The following CEP70 variants were observed in gnomAD, a reference collection of about 807,000 sequenced individuals.
CEP70 encodes centrosomal protein of 70 kDa.
CEP70 carries 70 observed loss-of-function variants against 90.9 expected under a neutral mutation model. That is an observed-to-expected ratio of 0.77 (90% CI 0.64 to 0.94). The LOEUF is 0.94. Ranked by LOEUF, CEP70 falls within the 40% of genes least tolerant of loss-of-function variation. The pLI is 0.00. For missense variants in CEP70, 648 were observed against 669.0 expected, an observed-to-expected ratio of 0.97 and a Z score of 0.35; for synonymous variants, 220 against 228.3, an observed-to-expected ratio of 0.96 and a Z score of 0.33.
intron 11 of CEP70, among the ~76,000 whole-genome samples, chr3:138,523,110 C>T (rs1434672126): frequency 6.6e-6 from 1 of 152,102 alleles, no homozygotes. Context: ...ATAAACAGAA[C>T]CAAAGACAAA....
intron 13 of CEP70, among the ~76,000 whole-genome samples, chr3:138,502,907 G>T (rs2034645419): frequency 1.3e-5 from 2 of 152,140 alleles, no homozygotes; most frequent in South Asian, 4.1e-4. Context: ...GTACTGGGTT[G>T]GGGAAAGCTA....
At chr3:138,533,789 T>G (rs1194121116) in intron 7 of CEP70, among the ~76,000 whole-genome samples, 4 of 152,086 alleles carry the variant, frequency 2.6e-5, no homozygotes, top group Non-Finnish European at 5.9e-5. Flanking sequence ...TGTTTTTTTT[T>G]GTTTGTTTGT....
At position 138,570,413 on chromosome 3, in the gene CEP70, AT is replaced by A. The variant is rs761144039; in HGVS notation, c.369del (p.Lys123AsnfsTer12). On this transcript the variant is annotated frameshift_variant, in exon 6 of 18. Transcript: ENST00000264982. LOFTEE classifies it high-confidence loss of function. ...NDLEQIMESV[K>X]SKIGELEDES... ...TCATCCTCCAATTCACCAATTTTGGATTTCACACTTTCCATAATTTGTTCCA... is the reference window on the plus strand; with the variant it reads ...TCATCCTCCAATTCACCAATTTTGGATTCACACTTTCCATAATTTGTTCCA... 1.9e-6 allele frequency: 3 copies of A among 1,609,440 alleles called. No homozygotes were observed. Among genetic ancestry groups the A allele is most frequent in the African/African-American group, 1.3e-5 (1 of 74,600 alleles).
chr3:138,497,180 A>G, intron 17 of CEP70: 1 of 1,191,068 alleles, frequency 8.4e-7, no homozygotes, highest in South Asian at 1.7e-5. Context: ...TGCACATAAG[A>G]CTGGTCACAA....
chr3:138,581,281 CAA>C (rs549088013), intron 2 of CEP70, among the ~76,000 whole-genome samples: 15 of 60,222 alleles, frequency 2.5e-4, no homozygotes, highest in Non-Finnish European at 2.4e-4. Flanking sequence ...GACTCCATCT[CAA>C]AAAAAAAAAA....
At chr3:138,589,079 A>G (rs1417414956) in intron 2 of CEP70, among the ~76,000 whole-genome samples, 2 of 152,234 alleles carry the variant, frequency 1.3e-5, no homozygotes, top group African/African-American at 2.4e-5. Context: ...CACAGAGACT[A>G]CTAACGAGAA....
intron 6 of CEP70, among the ~76,000 whole-genome samples, chr3:138,566,860 A>T (rs1307232004): frequency 6.6e-6 from 1 of 152,050 alleles, no homozygotes; most frequent in East Asian, 1.9e-4. Context: ...TGACTCAGGA[A>T]TTCTAATTCT....
intron 6 of CEP70, among the ~76,000 whole-genome samples, chr3:138,539,189 GT>G (rs1263230908): frequency 6.6e-6 from 1 of 152,074 alleles, no homozygotes; most frequent in Non-Finnish European, 1.5e-5. Flanking sequence ...CACCTGGATA[GT>G]TTTTGTATTT....
At chr3:138,504,941 G>A (rs538043299) in intron 13 of CEP70, among the ~76,000 whole-genome samples, 2 of 152,212 alleles carry the variant, frequency 1.3e-5, no homozygotes, top group African/African-American at 4.8e-5. Flanking sequence ...GAAAATCGCA[G>A]CATGGAGATA....
At position 138,505,392 on chromosome 3, in the gene CEP70, C is replaced by T. The variant is rs757265733; in HGVS notation, c.1124G>A (p.Gly375Glu). 6.2e-7 allele frequency: 1 copy of T among 1,611,926 alleles called. No individual in the cohort carries two copies. Among genetic ancestry groups the T allele is most frequent in the Non-Finnish European group, 8.5e-7 (1 of 1,179,174 alleles). The change falls in exon 13 of 18, where the codon GGA becomes GAA. Residue 375 changes from glycine to glutamate, a missense_variant. Transcript: ENST00000264982. ...PVIIYKQTKG[G>E]VQNFNKDLVQ... Reference sequence around the variant, plus strand: ...AAGATCTTTATTAAAATTTTGGACTCCCCCTTTGGTCTGTTTATAAATTAT... The same window carrying T: ...AAGATCTTTATTAAAATTTTGGACTTCCCCTTTGGTCTGTTTATAAATTAT...
rs74616311 is a variant in CEP70 at position 138,568,058 on chromosome 3, C to T, written c.465+2260G>A. 4.8e-3 allele frequency among the ~76,000 whole-genome samples: 730 copies of T among 152,220 alleles called. 4 individuals are homozygous for T. Among genetic ancestry groups the T allele is most frequent in the African/African-American group, 0.017 (702 of 41,530 alleles). ...TCAGAGACTTAAAAAAACAAACAGC[C>T]AATTTCAGTTGATCATATTGGCACA... On this transcript the variant is annotated intron_variant, in intron 6 of 17. Coordinates refer to ENST00000264982, the MANE Select transcript of CEP70 (RefSeq NM_024491.4).
intron 17 of CEP70, chr3:138,496,560 C>T: frequency 1.0e-6 from 1 of 985,334 alleles, no homozygotes; most frequent in Non-Finnish European, 1.2e-6. Flanking sequence ...AGCAAAGGAC[C>T]TTGGCCGATA....
At chr3:138,523,243 T>C (rs938049316) in intron 11 of CEP70, among the ~76,000 whole-genome samples, 4 of 152,108 alleles carry the variant, frequency 2.6e-5, no homozygotes, top group Non-Finnish European at 4.4e-5. Flanking sequence ...TAAGAGCTAT[T>C]TATGACAAAC....
At chr3:138,553,765 C>A (rs571760104) in intron 6 of CEP70, among the ~76,000 whole-genome samples, 4 of 152,232 alleles carry the variant, frequency 2.6e-5, no homozygotes, top group African/African-American at 9.6e-5. Flanking sequence ...AAAAGATAAT[C>A]CACCATGATC....
intron 11 of CEP70, among the ~76,000 whole-genome samples, chr3:138,514,942 AAC>A (rs2035867063): frequency 1.3e-5 from 2 of 152,324 alleles, no homozygotes; most frequent in Admixed American, 6.5e-5. Flanking sequence ...TAAAAACAAA[AAC>A]ACATCATTTC....
intron 11 of CEP70, among the ~76,000 whole-genome samples, chr3:138,522,470 C>A (rs1218913686): frequency 5.9e-5 from 9 of 151,934 alleles, no homozygotes; most frequent in African/African-American, 2.2e-4. Context: ...AATTGATAGA[C>A]CACTAGCAAG....
intron 6 of CEP70, among the ~76,000 whole-genome samples, chr3:138,544,226 A>T (rs2038998139): frequency 6.7e-6 from 1 of 149,912 alleles, no homozygotes; most frequent in Admixed American, 6.6e-5. Flanking sequence ...AGGTACACTA[A>T]AAAAAAAGCA....
At chr3:138,565,748 T>C (rs545847230) in intron 6 of CEP70, among the ~76,000 whole-genome samples, 9 of 152,196 alleles carry the variant, frequency 5.9e-5, no homozygotes, top group African/African-American at 1.9e-4. Context: ...GCAATACCAC[T>C]GAGGACACAG....
In CEP70 at chr3:138,513,231, C is replaced by A. The variant is rs116229481; in HGVS notation, c.945-4687G>T. Among the ~76,000 whole-genome samples the A allele has an allele frequency of 2.7e-3, 415 of 152,286 alleles. 3 individuals carry two copies. The highest frequency in any genetic ancestry group is 9.5e-3 in the African/African-American group (396 of 41,558). On this transcript the variant is annotated intron_variant, in intron 11 of 17. Coordinates refer to ENST00000264982, the MANE Select transcript of CEP70 (RefSeq NM_024491.4). ...GACAGTTGCAGTCAAGGACACGCCA[C>A]CTCCTTTCCTTCCTGAAAGCTATAC... is the stretch of plus-strand genomic sequence containing the variant.
Sources: allele counts gnomAD v4.1 joint callset (sites outside exome capture counted in the v4.1 genomes callset), GRCh38; gene constraint gnomAD v4.1.1; transcripts MANE v1.5; gene names NCBI Gene and HGNC (gene_info 2026-07-23, HGNC 2026-07-21).